RALGAPA2: variants seen among roughly 807,000 people sequenced by gnomAD.
RALGAPA2 encodes the protein Ral GTPase activating protein catalytic subunit alpha 2.
In RALGAPA2, 139 loss-of-function variants were observed where a neutral mutation model predicts 230.4. That is an observed-to-expected ratio of 0.60 (90% CI 0.53 to 0.69). The LOEUF is 0.69. Ranked by LOEUF, RALGAPA2 falls within the 30% of genes least tolerant of loss-of-function variation. The pLI, the probability that RALGAPA2 is intolerant of heterozygous loss-of-function variation, is 0.00. For synonymous variants in RALGAPA2, 847 were observed against 837.8 expected (o/e 1.01, Z -0.19); for missense variants, 2,163 against 2,276.0 (o/e 0.95, Z 1.01).
intron 15 of RALGAPA2, among the ~76,000 whole-genome samples, chr20:20,603,236 A>G (rs1344037408): frequency 6.6e-6 from 1 of 152,212 alleles, no homozygotes; most frequent in Non-Finnish European, 1.5e-5. Context: ...CTAAATCTAC[A>G]TTGGGATTAA....
intron 3 of RALGAPA2, among the ~76,000 whole-genome samples, chr20:20,665,528 T>C (rs2067931235): frequency 6.6e-6 from 1 of 152,254 alleles, no homozygotes; most frequent in South Asian, 2.1e-4. Context: ...CTATAAGTCT[T>C]GATGCAAAAG....
At chr20:20,681,129 G>A (rs185922091) in intron 1 of RALGAPA2, among the ~76,000 whole-genome samples, 216 of 152,262 alleles carry the variant, frequency 1.4e-3, no homozygotes, top group Non-Finnish European at 2.3e-3. Flanking sequence ...TTCCTGTTAC[G>A]GGATGAGGAA....
rs778623771 is a variant in RALGAPA2 at position 20,573,080 on chromosome 20, A to C, written c.2708-12T>G. 25 of 1,590,656 alleles carry C rather than the reference A, an allele frequency of 1.6e-5. No homozygotes were observed. Among genetic ancestry groups the C allele is most frequent in the Non-Finnish European group, 2.1e-5 (25 of 1,166,892 alleles). ...GCACTCGCTGCTATCTATGCAGAAA[A>C]ACATGTCTGTTAACCCTGTAAACAA... On this transcript the variant is annotated splice_polypyrimidine_tract_variant and intron_variant, in intron 20 of 39. Transcript: ENST00000202677.
At chr20:20,700,303 G>C (rs116550936) in intron 1 of RALGAPA2, among the ~76,000 whole-genome samples, 3 of 152,098 alleles carry the variant, frequency 2.0e-5, no homozygotes, top group Non-Finnish European at 4.4e-5. Flanking sequence ...ACTACCTAGA[G>C]GGGGGATGGA....
intron 23 of RALGAPA2, among the ~76,000 whole-genome samples, chr20:20,552,738 G>A (rs1050415390): frequency 6.6e-6 from 1 of 152,146 alleles, no homozygotes. Context: ...ACCTGCTGAA[G>A]TTCAGAAATG....
chr20:20,636,429 T>G (rs186039352), intron 8 of RALGAPA2, among the ~76,000 whole-genome samples: 1 of 152,218 alleles, frequency 6.6e-6, no homozygotes, highest in African/African-American at 2.4e-5. Context: ...CAGAAACAAA[T>G]TTTGAAAAAA....
At chr20:20,527,614 G>C (rs1316391684) in intron 27 of RALGAPA2, among the ~76,000 whole-genome samples, 1 of 147,418 alleles carries the variant, frequency 6.8e-6, no homozygotes, top group Non-Finnish European at 1.5e-5. Context: ...ACACCCCCAA[G>C]AGCTGGGTGG....
Position 20,531,595 on chromosome 20 carries a change from G to C in RALGAPA2, c.3582+92C>G, listed in dbSNP as rs371243593. 2.1e-3 allele frequency: 2,222 copies of C among 1,063,468 alleles called. 52 individuals carry two copies. The South Asian group carries it at 0.028, about 14-fold the overall frequency. The allele number at this position is 1,063,468 out of a possible 1,614,324, so 65.9% of individuals were successfully genotyped here. On this transcript the variant is annotated intron_variant, in intron 27 of 39. Transcript: ENST00000202677. ...GGAATCACAATCCCTCTGTCATTTG[G>C]GGGATAAAAAAGATGGGGCTAATTC...
intron 23 of RALGAPA2, among the ~76,000 whole-genome samples, chr20:20,561,194 T>C (rs1190284041): frequency 6.6e-6 from 1 of 152,218 alleles, no homozygotes; most frequent in East Asian, 1.9e-4. Context: ...GGATTTAGTG[T>C]CTCCTGATGA....
In RALGAPA2 at chr20:20,589,292, C is replaced by A. The variant is rs1185464094; in HGVS notation, c.2415G>T (p.Val805=). The A allele has an allele frequency of 6.3e-7, 1 of 1,582,440 alleles. No homozygotes were observed. The highest frequency in any genetic ancestry group is 1.8e-5 in the Admixed American group (1 of 55,330). The part of the protein sequence containing the change: ...PQPIQENKGH[V]KREHEGITIL... Reference sequence around the variant, plus strand: ...CTGTTATTCCTTCATGTTCTCTCTTCACATGTCCTTTATTCTCTTGAATAG... The same window carrying A: ...CTGTTATTCCTTCATGTTCTCTCTTAACATGTCCTTTATTCTCTTGAATAG... The change falls in exon 18 of 40, where the codon GTG becomes GTT. Residue 805 remains valine, a synonymous_variant. Coordinates refer to ENST00000202677, the MANE Select transcript of RALGAPA2 (RefSeq NM_020343.4).
At chr20:20,480,359 C>CA (rs1468677062) in intron 36 of RALGAPA2, among the ~76,000 whole-genome samples, 1 of 152,236 alleles carries the variant, frequency 6.6e-6, no homozygotes, top group African/African-American at 2.4e-5. Flanking sequence ...CCTACCCACA[C>CA]AGCCTCCTGC....
At chr20:20,454,478 A>G (rs561725857) in intron 37 of RALGAPA2, among the ~76,000 whole-genome samples, 2 of 152,304 alleles carry the variant, frequency 1.3e-5, no homozygotes, top group South Asian at 4.1e-4. Context: ...CTTGTCTCCC[A>G]CATATTTGCT....
chr20:20,650,675 G>A (rs1039889907), intron 4 of RALGAPA2, among the ~76,000 whole-genome samples: 1 of 152,162 alleles, frequency 6.6e-6, no homozygotes, highest in Non-Finnish European at 1.5e-5. Context: ...AGACTCAGAA[G>A]TTTTGTAAAA....
chr20:20,636,180 T>C (rs2066851247), intron 8 of RALGAPA2, among the ~76,000 whole-genome samples: 2 of 152,046 alleles, frequency 1.3e-5, no homozygotes, highest in African/African-American at 4.8e-5. Context: ...AAATGCTACC[T>C]TTTCCAAAGA....
chr20:20,444,694 A>T (rs2060819718), intron 37 of RALGAPA2, among the ~76,000 whole-genome samples: 1 of 152,194 alleles, frequency 6.6e-6, no homozygotes, highest in African/African-American at 2.4e-5. Flanking sequence ...TCCCACCAGC[A>T]GCATTTCAGA....
intron 37 of RALGAPA2, among the ~76,000 whole-genome samples, chr20:20,431,536 T>C (rs1212040502): frequency 1.3e-5 from 2 of 152,210 alleles, no homozygotes; most frequent in East Asian, 3.8e-4. Context: ...CCAGGCTTTA[T>C]ATAATTTTAA....
intron 37 of RALGAPA2, among the ~76,000 whole-genome samples, chr20:20,442,791 G>C (rs544351497): frequency 6.6e-6 from 1 of 152,198 alleles, no homozygotes; most frequent in Non-Finnish European, 1.5e-5. Flanking sequence ...ACTTCTGTAC[G>C]AACAGACAGA....
intron 36 of RALGAPA2, among the ~76,000 whole-genome samples, chr20:20,494,702 C>T (rs190803479): frequency 3.9e-5 from 6 of 152,268 alleles, no homozygotes; most frequent in Admixed American, 1.3e-4. Flanking sequence ...GGCAAGTGCC[C>T]GACACCAGGC....
intron 37 of RALGAPA2, among the ~76,000 whole-genome samples, chr20:20,440,131 G>A (rs570812790): frequency 8.7e-4 from 132 of 152,278 alleles, no homozygotes; most frequent in Non-Finnish European, 1.0e-3. Context: ...CAACACCACA[G>A]AGTGAGGACT....
Sources: allele counts gnomAD v4.1 joint callset (sites outside exome capture counted in the v4.1 genomes callset), GRCh38; gene constraint gnomAD v4.1.1; transcripts MANE v1.5; gene names NCBI Gene and HGNC (gene_info 2026-07-23, HGNC 2026-07-21).